The following PAPPA2 variants were observed in gnomAD, a reference collection of about 807,000 sequenced individuals.
The protein encoded by PAPPA2 is pappalysin-2.
Under a neutral mutation model 176.4 loss-of-function variants are expected in PAPPA2, and 86 were observed. The observed-to-expected ratio is 0.49, with a 90% CI of 0.41 to 0.58. The LOEUF (loss-of-function observed/expected upper bound fraction) is 0.58, where lower values mean the gene tolerates loss of function less well. Ranked by LOEUF, PAPPA2 falls within the 20% of genes least tolerant of loss-of-function variation. The pLI, the probability that PAPPA2 is intolerant of heterozygous loss-of-function variation, is 0.00. For synonymous variants in PAPPA2, 809 were observed against 852.2 expected, an observed-to-expected ratio of 0.95 and a Z score of 0.88; for missense variants, 2,073 against 2,256.9, an observed-to-expected ratio of 0.92 and a Z score of 1.65.
intron 12 of PAPPA2, among the ~76,000 whole-genome samples, chr1:176,734,155 T>C (rs913591912): frequency 5.9e-5 from 9 of 152,148 alleles, no homozygotes; most frequent in African/African-American, 2.2e-4. Flanking sequence ...CTGACACTCC[T>C]TCCAAGTTCT....
intron 2 of PAPPA2, among the ~76,000 whole-genome samples, chr1:176,574,125 A>T (rs957090808): frequency 6.6e-6 from 1 of 152,142 alleles, no homozygotes; most frequent in African/African-American, 2.4e-5. Context: ...CTTGATACAA[A>T]TGAATGTGGA....
intron 3 of PAPPA2, among the ~76,000 whole-genome samples, chr1:176,656,062 G>C (rs1394154714): frequency 6.6e-6 from 1 of 151,484 alleles, no homozygotes; most frequent in Non-Finnish European, 1.5e-5. Context: ...TTCAGAAATA[G>C]ATTTCTGAAT....
At chr1:176,706,043 T>C (rs1660868180) in intron 9 of PAPPA2, among the ~76,000 whole-genome samples, 1 of 152,186 alleles carries the variant, frequency 6.6e-6, no homozygotes, top group African/African-American at 2.4e-5. Context: ...TTTTCTAAGC[T>C]TAAGACCCTC....
intron 10 of PAPPA2, 32 bp downstream of exon 10, chr1:176,706,482 TC>T: frequency 1.3e-6 from 2 of 1,582,070 alleles, no homozygotes; most frequent in Non-Finnish European, 1.7e-6. Context: ...TAAGATTGTG[TC>T]CTACTTTTAG....
chr1:176,767,724 T>G (rs1379823413), intron 15 of PAPPA2, among the ~76,000 whole-genome samples: 1 of 152,124 alleles, frequency 6.6e-6, no homozygotes, highest in Non-Finnish European at 1.5e-5. Context: ...ATGGGTATCA[T>G]CTGGGCTGGG....
At chr1:176,583,031 T>G (rs749163910) in intron 2 of PAPPA2, among the ~76,000 whole-genome samples, 1 of 152,144 alleles carries the variant, frequency 6.6e-6, no homozygotes, top group Non-Finnish European at 1.5e-5. Context: ...TTTTAATTTA[T>G]TGAAGCATTC....
chr1:176,510,384 T>C (rs1477744983), intron 1 of PAPPA2, among the ~76,000 whole-genome samples: 1 of 152,044 alleles, frequency 6.6e-6, no homozygotes, highest in South Asian at 2.1e-4. Context: ...AACAAGAAAA[T>C]TAAATTAACA....
intron 1 of PAPPA2, among the ~76,000 whole-genome samples, chr1:176,546,635 A>G (rs1650652657): frequency 6.6e-6 from 1 of 152,242 alleles, no homozygotes; most frequent in South Asian, 2.1e-4. Flanking sequence ...ATTGCAAAAG[A>G]GAATGCACGA....
At position 176,528,000 on chromosome 1, in the gene PAPPA2, C is replaced by T. The variant is rs114315557; in HGVS notation, c.-916-27407C>T. Among the ~76,000 whole-genome samples, 1,153 of 152,298 alleles carry T rather than the reference C, an allele frequency of 7.6e-3. 19 individuals carry two copies. Among genetic ancestry groups the T allele is most frequent in the African/African-American group, 0.026 (1,082 of 41,554 alleles). On this transcript the variant is annotated intron_variant, in intron 1 of 22. Transcript: ENST00000367662. ...CTTTTCTGGTTTTAAAACCCAAAGT[C>T]CTGCATCATGGAAACCCCTTTAGTC... is the stretch of plus-strand genomic sequence containing the variant.
chr1:176,661,966 C>T (rs1369076336), intron 3 of PAPPA2, among the ~76,000 whole-genome samples: 1 of 152,084 alleles, frequency 6.6e-6, no homozygotes, highest in Non-Finnish European at 1.5e-5. Context: ...TATTGTGGTG[C>T]CTGTCACATT....
chr1:176,514,605 C>T (rs951345383), intron 1 of PAPPA2, among the ~76,000 whole-genome samples: 1 of 152,234 alleles, frequency 6.6e-6, no homozygotes, highest in African/African-American at 2.4e-5. Flanking sequence ...TTTGACTCAA[C>T]CCTTGTTTCA....
chr1:176,825,639 G>A (rs1202342443), intron 21 of PAPPA2, among the ~76,000 whole-genome samples: 1 of 152,170 alleles, frequency 6.6e-6, no homozygotes, highest in Non-Finnish European at 1.5e-5. Flanking sequence ...CTTAGATAGA[G>A]CATTGCTGCT....
chr1:176,564,224 T>C (rs1205441884), intron 2 of PAPPA2, among the ~76,000 whole-genome samples: 1 of 152,214 alleles, frequency 6.6e-6, no homozygotes. Context: ...TTGCTGTTGC[T>C]AGTATGTGGA....
intron 3 of PAPPA2, among the ~76,000 whole-genome samples, chr1:176,668,504 AT>A (rs756554789): frequency 4.6e-5 from 7 of 151,876 alleles, no homozygotes; most frequent in Non-Finnish European, 1.5e-5. Flanking sequence ...AATAATATCC[AT>A]TTTTTTTCCT....
chr1:176,505,045 A>G lies in PAPPA2; in HGVS notation c.-917+41627A>G, dbSNP rs1325884388. Reference sequence around the variant, plus strand: ...AGGGAGTTACCTAAGGAACAGTAAAACAGTGTGAAAATCCTTAATAAAACA... The same window carrying G: ...AGGGAGTTACCTAAGGAACAGTAAAGCAGTGTGAAAATCCTTAATAAAACA... On this transcript the variant is annotated intron_variant, in intron 1 of 22. Transcript: ENST00000367662. Among the ~76,000 whole-genome samples, 2 of 152,082 alleles carry G rather than the reference A, an allele frequency of 1.3e-5. 1 individual carries two copies. The highest frequency in any genetic ancestry group is 3.9e-4 in the East Asian group (2 of 5,192).
chr1:176,789,467 G>T (rs1057258904), intron 17 of PAPPA2, among the ~76,000 whole-genome samples: 2 of 152,050 alleles, frequency 1.3e-5, no homozygotes, highest in African/African-American at 4.8e-5. Flanking sequence ...ACGAGTTAAT[G>T]GGTGCAGCAC....
At chr1:176,605,802 T>C (rs777694625) in intron 3 of PAPPA2, among the ~76,000 whole-genome samples, 4 of 152,148 alleles carry the variant, frequency 2.6e-5, no homozygotes, top group Non-Finnish European at 5.9e-5. Context: ...TCTGCAAATC[T>C]CTCTCAGCTG....
At chr1:176,568,381 A>G (rs1652110262) in intron 2 of PAPPA2, among the ~76,000 whole-genome samples, 1 of 152,226 alleles carries the variant, frequency 6.6e-6, no homozygotes, top group South Asian at 2.1e-4. Flanking sequence ...ATTAACTCAC[A>G]TGCTCCCAAG....
rs574315108 is a variant in PAPPA2, at chr1:176,810,755, CTG to C, written c.5202+10626_5202+10627del. 7.2e-5 allele frequency among the ~76,000 whole-genome samples: 11 copies of C among 152,308 alleles called. No individual in the cohort carries two copies. In the East Asian group the frequency reaches 2.1e-3, roughly 29 times the overall value. On this transcript the variant is annotated intron_variant, in intron 21 of 22. Coordinates refer to ENST00000367662, the MANE Select transcript of PAPPA2 (RefSeq NM_020318.3). ...CCACTCTGGACTTCTGAATCAGAAA[CTG>C]TGGGGGTGAGGTCCAGCAATCAGTT... is the stretch of plus-strand genomic sequence containing the variant.
Sources: gnomAD v4.1 joint callset for allele counts (sites outside exome capture counted in the v4.1 genomes callset) on GRCh38, gnomAD v4.1.1 for gene constraint, MANE v1.5 for transcripts, NCBI Gene and HGNC (gene_info 2026-07-23, HGNC 2026-07-21) for gene names.